CHD9: variants seen among roughly 807,000 people sequenced by gnomAD.
The protein encoded by CHD9 is chromodomain helicase DNA binding protein 9, also known as ATP-dependent chromatin remodeler CHD9.
A neutral mutation model predicts 316.1 loss-of-function variants in CHD9; 77 were observed. The observed-to-expected ratio is 0.24, with a 90% CI of 0.20 to 0.29. The LOEUF (loss-of-function observed/expected upper bound fraction) is 0.29. CHD9 is among the 10% of genes least tolerant of loss of function. The pLI, the probability that CHD9 is intolerant of heterozygous loss-of-function variation, is 1.00. For synonymous variants in CHD9, 1,129 were observed against 1,158.3 expected, an observed-to-expected ratio of 0.97 and a Z score of 0.51; for missense variants, 2,763 against 3,438.1, an observed-to-expected ratio of 0.80 and a Z score of 4.91.
chr16:53,227,829 T>C (rs1361210971), intron 7 of CHD9: 2 of 171,226 alleles, frequency 1.2e-5, no homozygotes, highest in African/African-American at 4.8e-5. Context: ...CTCACATCTG[T>C]ATTCCCAGCA....
intron 1 of CHD9, among the ~76,000 whole-genome samples, chr16:53,101,676 T>A (rs1360414361): frequency 6.6e-6 from 1 of 152,152 alleles, no homozygotes; most frequent in African/African-American, 2.4e-5. Context: ...TTTGCAGGTG[T>A]CCCTTACAAG....
rs535795016 is a variant in CHD9 at position 53,091,930 on chromosome 16, G to A, written c.-165+36853G>A. ...CCTTTCCTTTTCTTGTAATATCCAA[G>A]CTGCAAGAGCATCCCTTGAGAGCCC... is the stretch of plus-strand genomic sequence containing the variant. On this transcript the variant is annotated intron_variant, in intron 1 of 38. Coordinates refer to ENST00000447540, the MANE Select transcript of CHD9 (RefSeq NM_001308319.2). Among the ~76,000 whole-genome samples the A allele has an allele frequency of 3.9e-5, 6 of 152,028 alleles. 2 individuals are homozygous for A. The highest frequency in any genetic ancestry group is 1.4e-4 in the African/African-American group (6 of 41,452).
intron 1 of CHD9, among the ~76,000 whole-genome samples, chr16:53,099,781 ACT>A (rs921320676): frequency 6.6e-6 from 1 of 151,802 alleles, no homozygotes; most frequent in African/African-American, 2.4e-5. Flanking sequence ...ATGACAGCAG[ACT>A]CTAAGAGTCC....
At chr16:53,190,434 G>A (rs2044388462) in intron 2 of CHD9, among the ~76,000 whole-genome samples, 1 of 151,950 alleles carries the variant, frequency 6.6e-6, no homozygotes, top group Non-Finnish European at 1.5e-5. Flanking sequence ...GCGCCAAGGA[G>A]GAGGAAATAC....
At chr16:53,173,183 A>G (rs971358461) in intron 2 of CHD9, among the ~76,000 whole-genome samples, 3 of 152,136 alleles carry the variant, frequency 2.0e-5, no homozygotes, top group Non-Finnish European at 4.4e-5. Context: ...CTAGATGGGA[A>G]TATTTTTAAT....
intron 1 of CHD9, among the ~76,000 whole-genome samples, chr16:53,124,851 GC>G (rs34508147): frequency 0.036 from 5,512 of 152,242 alleles, 337 homozygotes; most frequent in African/African-American, 0.13. Context: ...TCCCACTGGG[GC>G]CCTCCCACTA....
intron 24 of CHD9, among the ~76,000 whole-genome samples, chr16:53,275,315 A>T (rs1385829512): frequency 6.6e-6 from 1 of 152,172 alleles, no homozygotes; most frequent in South Asian, 2.1e-4. Flanking sequence ...GGTGTGAGCC[A>T]CCACACCCAG....
At chr16:53,207,273 C>G (rs1043805296) in intron 2 of CHD9, among the ~76,000 whole-genome samples, 2 of 152,148 alleles carry the variant, frequency 1.3e-5, no homozygotes, top group East Asian at 3.9e-4. Context: ...AAAAGTTGTA[C>G]TGATGTTCAA....
chr16:53,140,402 G>A (rs1171109922), intron 1 of CHD9, among the ~76,000 whole-genome samples: 1 of 137,892 alleles, frequency 7.3e-6, no homozygotes, highest in Non-Finnish European at 1.5e-5. Flanking sequence ...GGGTGACAGA[G>A]CACAACTCTG....
intron 1 of CHD9, among the ~76,000 whole-genome samples, chr16:53,137,650 G>A (rs2039818590): frequency 6.6e-6 from 1 of 152,178 alleles, no homozygotes. Flanking sequence ...ATGAGTATTT[G>A]ATGATGAATA....
Position 53,156,963 on chromosome 16 carries a change from G to A in CHD9, c.874G>A (p.Val292Ile). The A allele has an allele frequency of 6.2e-7, 1 of 1,613,202 alleles. No homozygotes were observed. The highest frequency in any genetic ancestry group is 8.5e-7 in the Non-Finnish European group (1 of 1,179,498). ...SPNSLLQSSA[V>I]LASNHTNQTL... ...AAACAGTCTACTTCAGTCCTCTGCA[G>A]TTCTTGCATCTAATCATACAAATCA... Residue 292 changes from valine (V) to isoleucine (I), a missense_variant, in exon 2 of 39, where the codon GTT becomes ATT. Around this residue, in one of 15 missense-constraint regions of CHD9, gnomAD observed 859 missense variants for 890.4 expected, o/e 0.96. Coordinates refer to ENST00000447540, the MANE Select transcript of CHD9 (RefSeq NM_001308319.2).
At chr16:53,111,124 G>C (rs2037832743) in intron 1 of CHD9, among the ~76,000 whole-genome samples, 1 of 152,230 alleles carries the variant, frequency 6.6e-6, no homozygotes, top group Admixed American at 6.5e-5. Flanking sequence ...TCTAATGTTG[G>C]TTGTCCCACA....
intron 1 of CHD9, among the ~76,000 whole-genome samples, chr16:53,133,558 C>G (rs1364289694): frequency 6.6e-6 from 1 of 152,126 alleles, no homozygotes; most frequent in Non-Finnish European, 1.5e-5. Context: ...TATTAAGTTT[C>G]TTGACATCCG....
Position 53,312,285 on chromosome 16 carries a change from G to A in CHD9, c.7223-2092G>A, listed in dbSNP as rs536093532. Among the ~76,000 whole-genome samples, 71 of 152,246 alleles carry A rather than the reference G, an allele frequency of 4.7e-4. 2 individuals carry two copies. The South Asian group carries it at 0.013, about 28-fold the overall frequency. On this transcript the variant is annotated intron_variant, in intron 34 of 38. Coordinates refer to ENST00000447540, the MANE Select transcript of CHD9 (RefSeq NM_001308319.2). ...TTTAGTTGATTGGTAGACAAGACCT[G>A]CACATTAAAATATTAGACAATACAT... is the stretch of plus-strand genomic sequence containing the variant.
At chr16:53,127,127 CTCTT>C (rs1250716600) in intron 1 of CHD9, among the ~76,000 whole-genome samples, 1 of 152,038 alleles carries the variant, frequency 6.6e-6, no homozygotes, top group Non-Finnish European at 1.5e-5. Context: ...GCGAATTTTT[CTCTT>C]TCTATTGTTT....
chr16:53,191,229 C>T (rs995929368), intron 2 of CHD9, among the ~76,000 whole-genome samples: 1 of 151,916 alleles, frequency 6.6e-6, no homozygotes, highest in Admixed American at 6.6e-5. Context: ...GCTTTTTCAC[C>T]ATTTATATTA....
chr16:53,106,160 G>T (rs1250317036), intron 1 of CHD9, among the ~76,000 whole-genome samples: 1 of 152,098 alleles, frequency 6.6e-6, no homozygotes, highest in Non-Finnish European at 1.5e-5. Context: ...TGCTAAAGTG[G>T]CCTGTTTCTC....
chr16:53,119,464 A>G (rs957790145), intron 1 of CHD9, among the ~76,000 whole-genome samples: 1 of 152,162 alleles, frequency 6.6e-6, no homozygotes, highest in Non-Finnish European at 1.5e-5. Context: ...CCATGATCCA[A>G]GTAGGAGTAT....
Position 53,297,168 on chromosome 16 carries a change from A to T in CHD9, c.5713+10A>T. On this transcript the variant is annotated intron_variant, in intron 30 of 38. Transcript: ENST00000447540. ...CTTCCTTCCAAAGAAGGTATGTATAAAATTTCTTTTTCCTGGTTTCGGTCA... is the reference window on the plus strand; with the variant it reads ...CTTCCTTCCAAAGAAGGTATGTATATAATTTCTTTTTCCTGGTTTCGGTCA... 1 of 1,594,570 alleles carries T rather than the reference A, an allele frequency of 6.3e-7. No homozygotes were observed. The highest frequency in any genetic ancestry group is 8.6e-7 in the Non-Finnish European group (1 of 1,169,084).
Sources: gnomAD v4.1 joint callset for allele counts (sites outside exome capture counted in the v4.1 genomes callset) on GRCh38, gnomAD v4.1.1 for gene constraint, gnomAD v4.1.1 regional missense constraint, MANE v1.5 for transcripts, NCBI Gene and HGNC (gene_info 2026-07-23, HGNC 2026-07-21) for gene names.